The following KANSL1 variants were observed in gnomAD, a reference collection of about 807,000 sequenced individuals.
The protein encoded by KANSL1 is KAT8 regulatory NSL complex subunit 1, also known as MLL1/MLL complex subunit KANSL1.
Under a neutral mutation model 103.6 loss-of-function variants are expected in KANSL1, and 22 were observed. The ratio of observed to expected loss-of-function variants is 0.21; its 90% confidence interval spans 0.15 to 0.30. The LOEUF is 0.30. Among genes scored for constraint, KANSL1 ranks in the 10% least tolerant of loss-of-function variants. The pLI is 1.00. For synonymous variants in KANSL1, 600 were observed against 527.6 expected (o/e 1.14, Z -1.88); for missense variants, 1,337 against 1,399.8 (o/e 0.96, Z 0.72).
intron 2 of KANSL1, among the ~76,000 whole-genome samples, chr17:46,115,082 T>C (rs1270006610): frequency 6.6e-6 from 1 of 152,108 alleles, no homozygotes; most frequent in Non-Finnish European, 1.5e-5. Flanking sequence ...TATTTTGAGA[T>C]GGAGTTTCGC....
At chr17:46,213,061 T>C (rs2048212143) in intron 1 of KANSL1, among the ~76,000 whole-genome samples, 2 of 152,230 alleles carry the variant, frequency 1.3e-5, no homozygotes, top group Non-Finnish European at 2.9e-5. Flanking sequence ...GATGGAATCA[T>C]TTAAATATCA....
intron 3 of KANSL1, among the ~76,000 whole-genome samples, chr17:46,084,411 A>T (rs2079088108): frequency 6.6e-6 from 1 of 151,848 alleles, no homozygotes; most frequent in South Asian, 2.1e-4. Context: ...AACAAAAATG[A>T]ATTGGAGGCT....
intron 7 of KANSL1, chr17:46,050,239 T>C (rs1165561495): frequency 4.9e-6 from 2 of 404,232 alleles, no homozygotes; most frequent in Non-Finnish European, 8.8e-6. Flanking sequence ...TTTAAAGATA[T>C]ACTAAGCGTA....
In KANSL1 at chr17:46,209,869, T is replaced by C. The variant is rs182801320; in HGVS notation, c.-90+13802A>G. Among the ~76,000 whole-genome samples the C allele has an allele frequency of 1.7e-3, 254 of 152,356 alleles. 2 individuals are homozygous for C. Among genetic ancestry groups the C allele is most frequent in the Non-Finnish European group, 2.6e-3 (179 of 68,032 alleles). ...CAGAACATATTAGCTGACGGTCATA[T>C]GAGTGACCTTCTCTAAATGCCAGGA... On this transcript the variant is annotated intron_variant, in intron 1 of 14. Transcript: ENST00000572904.
In KANSL1 at chr17:46,031,566, T is replaced by C; in HGVS notation, c.3228A>G (p.Thr1076=). ...RTSGSKTGRE[T]EAAPTSPPIV... is the part of the protein sequence containing the mutation. ...TGGGAGGCGAGGTGGGCGCTGCCTC[T>C]GTCTCCCGGCCAGTCTTGCTGCCTG... The change falls in exon 15 of 15, where the codon ACA becomes ACG. Residue 1076 remains threonine (T), a synonymous_variant. Coordinates refer to ENST00000432791, the MANE Select transcript of KANSL1 (RefSeq NM_015443.4). The C allele has an allele frequency of 6.2e-7, 1 of 1,614,132 alleles. No individual in the cohort carries two copies. Among genetic ancestry groups the C allele is most frequent in the Non-Finnish European group, 8.5e-7 (1 of 1,180,014 alleles).
At chr17:46,193,611 C>G (rs1323030351), upstream of KANSL1, 1 of 280,048 alleles carries the variant, frequency 3.6e-6, no homozygotes, top group South Asian at 2.6e-5. Context: ...GTCATGGCTC[C>G]TCGCCGTGGC....
At chr17:46,202,347 C>A (rs2047832531) in intron 1 of KANSL1, among the ~76,000 whole-genome samples, 1 of 152,142 alleles carries the variant, frequency 6.6e-6, no homozygotes, top group Admixed American at 6.5e-5. Context: ...CTTCTGGTCC[C>A]AAGCATTTCG....
intron 1 of KANSL1, among the ~76,000 whole-genome samples, chr17:46,176,466 G>T (rs979716759): frequency 3.9e-5 from 6 of 152,206 alleles, no homozygotes; most frequent in Admixed American, 6.5e-5. Flanking sequence ...CGAGGCAGGC[G>T]TATCACCTGA....
chr17:46,147,429 C>A (rs1032347160), intron 2 of KANSL1, among the ~76,000 whole-genome samples: 4 of 152,006 alleles, frequency 2.6e-5, no homozygotes, highest in African/African-American at 4.8e-5. Flanking sequence ...CAAAAATTAG[C>A]CAGATGTGGT....
intron 1 of KANSL1, among the ~76,000 whole-genome samples, chr17:46,178,278 C>T (rs913991559): frequency 6.6e-6 from 1 of 152,194 alleles, no homozygotes; most frequent in African/African-American, 2.4e-5. Context: ...ACACAAACAG[C>T]ACAACAGCCT....
chr17:46,134,483 A>G (rs2044021038), intron 2 of KANSL1, among the ~76,000 whole-genome samples: 1 of 152,238 alleles, frequency 6.6e-6, no homozygotes, highest in Admixed American at 6.5e-5. Context: ...TCTGAACTTC[A>G]GAAAGGAGAT....
chr17:46,061,931 A>G (rs1040419217), intron 6 of KANSL1, among the ~76,000 whole-genome samples: 1 of 152,054 alleles, frequency 6.6e-6, no homozygotes, highest in African/African-American at 2.4e-5. Context: ...GTCTCTACTA[A>G]AAATACAAAT....
intron 6 of KANSL1, among the ~76,000 whole-genome samples, chr17:46,062,355 CTTTT>C (rs34577730): frequency 1.0e-5 from 1 of 95,466 alleles, no homozygotes; most frequent in Non-Finnish European, 2.0e-5. Flanking sequence ...ATAACAACAG[CTTTT>C]TTTTTTTTTT....
intron 3 of KANSL1, among the ~76,000 whole-genome samples, chr17:46,085,198 T>C (rs926676975): frequency 2.0e-5 from 3 of 152,154 alleles, no homozygotes; most frequent in Admixed American, 2.0e-4. Flanking sequence ...TATTAGTCAG[T>C]AGAAGGTTAA....
chr17:46,058,731 ACACACACACACACTCTCTCTCTCTCT>A lies in KANSL1; in HGVS notation c.1848+7780_1848+7805del, dbSNP rs1262890044. ...TTAAAACACACACACACACACACAC[ACACACACACACACTCTCTCTCTCTCT>A]CTCTCTCTCTCTCTCTCTCTCTCTC... On this transcript the variant is annotated intron_variant, in intron 6 of 14. Coordinates refer to ENST00000432791, the MANE Select transcript of KANSL1 (RefSeq NM_015443.4). Among the ~76,000 whole-genome samples, 252 of 87,040 alleles carry A rather than the reference ACACACACACACACTCTCTCTCTCTCT, an allele frequency of 2.9e-3. 2 individuals carry two copies. Among genetic ancestry groups the A allele is most frequent in the Admixed American group, 4.7e-3 (38 of 8,170 alleles). The allele number at this position is 87,040 out of a possible 152,430, so 57.1% of individuals were successfully genotyped here.
chr17:46,132,694 T>C (rs576268672), intron 2 of KANSL1, among the ~76,000 whole-genome samples: 1 of 152,346 alleles, frequency 6.6e-6, no homozygotes, highest in South Asian at 2.1e-4. Flanking sequence ...TTGCCTGCAA[T>C]CCCGACATTT....
chr17:46,089,600 T>C (rs1197241897), intron 3 of KANSL1, among the ~76,000 whole-genome samples: 2 of 147,830 alleles, frequency 1.4e-5, no homozygotes, highest in East Asian at 1.9e-4. Context: ...ACCCAGGAAG[T>C]GCTGGGAAAT....
intron 2 of KANSL1, among the ~76,000 whole-genome samples, chr17:46,165,621 G>A (rs527368920): frequency 4.6e-5 from 7 of 151,484 alleles, no homozygotes; most frequent in Admixed American, 6.6e-5. Flanking sequence ...AGTGATTCTC[G>A]TGCTTCAACC....
chr17:46,185,176 C>T (rs1040841601), intron 1 of KANSL1, among the ~76,000 whole-genome samples: 1 of 152,162 alleles, frequency 6.6e-6, no homozygotes, highest in African/African-American at 2.4e-5. Flanking sequence ...TTATCTCTGT[C>T]CCCTACAAGC....
Sources: allele counts gnomAD v4.1 joint callset (sites outside exome capture counted in the v4.1 genomes callset), GRCh38; gene constraint gnomAD v4.1.1; transcripts MANE v1.5; gene names NCBI Gene and HGNC (gene_info 2026-07-23, HGNC 2026-07-21).